The following SH2D4B variants were observed in gnomAD, a reference collection of about 807,000 sequenced individuals.
SH2D4B encodes the protein SH2 domain-containing protein 4B.
Under a neutral mutation model 61.5 loss-of-function variants are expected in SH2D4B, and 45 were observed. The ratio of observed to expected loss-of-function variants is 0.73; its 90% CI spans 0.58 to 0.94. SH2D4B has a LOEUF of 0.94. Among genes scored for constraint, SH2D4B ranks in the 40% least tolerant of loss-of-function variants. SH2D4B has a pLI of 0.00. For synonymous variants in SH2D4B, 224 were observed against 220.4 expected, an observed-to-expected ratio of 1.02 and a Z score of -0.14; for missense variants, 572 against 574.2, an observed-to-expected ratio of 1.00 and a Z score of 0.04.
intron 7 of SH2D4B, among the ~76,000 whole-genome samples, chr10:80,640,148 T>G (rs536058900): frequency 6.6e-6 from 1 of 152,326 alleles, no homozygotes; most frequent in African/African-American, 2.4e-5. Context: ...AGTTTCTGCC[T>G]AGAGATCAGC....
intron 3 of SH2D4B, among the ~76,000 whole-genome samples, chr10:80,581,299 C>T (rs1842182259): frequency 1.3e-5 from 2 of 152,156 alleles, no homozygotes; most frequent in Non-Finnish European, 2.9e-5. Flanking sequence ...TGGTTAAGGG[C>T]CACTTATCCA....
chr10:80,559,505 T>C lies in SH2D4B; in HGVS notation c.185-10649T>C, dbSNP rs1184782522. ...TATGCAACCCTTATTGCAAATTCAA[T>C]GTTTATCATGCTTATATCTGTTTCT... On this transcript the variant is annotated intron_variant, in intron 1 of 7. Coordinates refer to ENST00000646907, the MANE Select transcript of SH2D4B (RefSeq NM_001388272.1). 2.0e-5 allele frequency among the ~76,000 whole-genome samples: 3 copies of C among 152,238 alleles called. No homozygotes were observed. The East Asian group carries it at 5.8e-4, about 29-fold the overall frequency.
intron 6 of SH2D4B, among the ~76,000 whole-genome samples, chr10:80,622,048 T>C (rs1051926712): frequency 7.2e-5 from 11 of 152,120 alleles, no homozygotes; most frequent in Admixed American, 5.9e-4. Flanking sequence ...TTGTGGCCAC[T>C]TGGGGAGCTG....
intron 4 of SH2D4B, among the ~76,000 whole-genome samples, chr10:80,589,874 G>A (rs1015047899): frequency 1.3e-5 from 2 of 152,206 alleles, no homozygotes; most frequent in African/African-American, 4.8e-5. Flanking sequence ...GGGGTGGTGA[G>A]AGTTTGGGGA....
intron 6 of SH2D4B, among the ~76,000 whole-genome samples, chr10:80,618,216 TTAAACA>T (rs1456537882): frequency 6.6e-6 from 1 of 152,238 alleles, no homozygotes; most frequent in Non-Finnish European, 1.5e-5. Context: ...GAGACTGATA[TTAAACA>T]ATCATGCCAT....
intron 3 of SH2D4B, among the ~76,000 whole-genome samples, chr10:80,587,344 G>T (rs1439396491): frequency 2.0e-5 from 3 of 151,778 alleles, no homozygotes; most frequent in Non-Finnish European, 4.4e-5. Context: ...GCAGTGGTGC[G>T]ATCTCAGCTC....
rs1842045154 is a variant in SH2D4B, at chr10:80,571,582, G to T, written c.495+4G>T. 1.2e-6 allele frequency: 2 copies of T among 1,613,250 alleles called. No individual in the cohort carries two copies. Among genetic ancestry groups the T allele is most frequent in the Non-Finnish European group, 1.7e-6 (2 of 1,179,904 alleles). ...ACGCATCCACGAGGAATTCAAGGTGGGCCAGCGCATGGGGCCCCTGCGTGC... is the reference window on the plus strand; with the variant it reads ...ACGCATCCACGAGGAATTCAAGGTGTGCCAGCGCATGGGGCCCCTGCGTGC... On this transcript the variant is annotated splice_donor_region_variant and intron_variant, in intron 3 of 7. Coordinates refer to ENST00000646907, the MANE Select transcript of SH2D4B (RefSeq NM_001388272.1).
At chr10:80,589,000 C>CTTTTTTTT (rs200753787) in intron 4 of SH2D4B, among the ~76,000 whole-genome samples, 1 of 147,084 alleles carries the variant, frequency 6.8e-6, no homozygotes, top group Non-Finnish European at 1.5e-5. Context: ...TTTTCTTTTT[C>CTTTTTTTT]TTTTTTTTTT....
chr10:80,576,804 G>T (rs1173562688), intron 3 of SH2D4B, among the ~76,000 whole-genome samples: 1 of 152,192 alleles, frequency 6.6e-6, no homozygotes, highest in Non-Finnish European at 1.5e-5. Flanking sequence ...GTCTCACTCT[G>T]TTGCCCAGGC....
chr10:80,574,373 C>T lies in SH2D4B; in HGVS notation c.495+2795C>T, dbSNP rs920094150. Among the ~76,000 whole-genome samples, 3 of 152,282 alleles carry T rather than the reference C, an allele frequency of 2.0e-5. No individual in the cohort carries two copies. The South Asian group carries it at 6.2e-4, about 32-fold the overall frequency. ...CTGGTCTTGAACTCCTGAGCTCAAGCCAACCACCTACCTTGGCCTCCCAAA... is the reference window on the plus strand; with the variant it reads ...CTGGTCTTGAACTCCTGAGCTCAAGTCAACCACCTACCTTGGCCTCCCAAA... On this transcript the variant is annotated intron_variant, in intron 3 of 7. Coordinates refer to ENST00000646907, the MANE Select transcript of SH2D4B (RefSeq NM_001388272.1).
chr10:80,565,190 A>T (rs1002012413), intron 1 of SH2D4B, among the ~76,000 whole-genome samples: 1 of 152,182 alleles, frequency 6.6e-6, no homozygotes, highest in Non-Finnish European at 1.5e-5. Flanking sequence ...AAGTTAGGTT[A>T]TGGTTCGTCC....
In SH2D4B at chr10:80,634,512, C is replaced by T. The variant is rs1419162362; in HGVS notation, c.1209+7C>T. The stretch of plus-strand genomic sequence containing the variant: ...TCTCGTTGATTTCCATAAGGTATCC[C>T]TCACAGGGATACTAATGGGGGGGAG... On this transcript the variant is annotated splice_region_variant and intron_variant, in intron 7 of 7. Coordinates refer to ENST00000646907, the MANE Select transcript of SH2D4B (RefSeq NM_001388272.1). 1.0e-5 allele frequency: 16 copies of T among 1,548,708 alleles called. No individual in the cohort carries two copies. In the East Asian group the frequency reaches 3.7e-4, roughly 36 times the overall value.
At chr10:80,587,296 T>G (rs977934694) in intron 3 of SH2D4B, among the ~76,000 whole-genome samples, 11 of 151,912 alleles carry the variant, frequency 7.2e-5, no homozygotes, top group African/African-American at 2.7e-4. Context: ...TGTTTTTTCT[T>G]TGAGATGGAG....
intron 6 of SH2D4B, among the ~76,000 whole-genome samples, chr10:80,631,505 T>C (rs145513778): frequency 1.2e-3 from 180 of 152,334 alleles, no homozygotes; most frequent in African/African-American, 3.9e-3. Context: ...CACCTTGGCC[T>C]ACTAAAGTGC....
chr10:80,557,967 T>A (rs1841859114), intron 1 of SH2D4B, among the ~76,000 whole-genome samples: 1 of 152,164 alleles, frequency 6.6e-6, no homozygotes, highest in African/African-American at 2.4e-5. Context: ...ATATAAGCAT[T>A]TGATGCTATA....
Position 80,557,254 on chromosome 10 carries a change from T to A in SH2D4B, c.185-12900T>A, listed in dbSNP as rs1841849992. 2.6e-5 allele frequency among the ~76,000 whole-genome samples: 4 copies of A among 152,274 alleles called. No individual in the cohort carries two copies. In the South Asian group the frequency reaches 6.2e-4, roughly 24 times the overall value. On this transcript the variant is annotated intron_variant, in intron 1 of 7. Transcript: ENST00000646907. ...AAAATCATATATGGTCATGATAATT[T>A]ATCCTTTTTATATATTTCTGAATTT...
intron 1 of SH2D4B, chr10:80,541,031 A>G (rs1371842715): frequency 2.3e-6 from 2 of 888,724 alleles, no homozygotes; most frequent in Non-Finnish European, 3.7e-6. Context: ...AGAAACTGTT[A>G]GTGAGAAGCG....
intron 6 of SH2D4B, among the ~76,000 whole-genome samples, chr10:80,621,206 A>G (rs1373881429): frequency 6.6e-6 from 1 of 152,210 alleles, no homozygotes; most frequent in South Asian, 2.1e-4. Flanking sequence ...TAACTGGGAG[A>G]TGCTTTTGGC....
intron 1 of SH2D4B, among the ~76,000 whole-genome samples, chr10:80,568,383 A>G (rs1422724719): frequency 2.6e-5 from 4 of 152,126 alleles, no homozygotes; most frequent in Non-Finnish European, 5.9e-5. Flanking sequence ...AGGGAAAGCA[A>G]TCTTTCGGCA....
Sources: gnomAD v4.1 joint callset for allele counts (sites outside exome capture counted in the v4.1 genomes callset) on GRCh38, gnomAD v4.1.1 for gene constraint, MANE v1.5 for transcripts, NCBI Gene and HGNC (gene_info 2026-07-23, HGNC 2026-07-21) for gene names.